Variants in MUC5B observed in about 807,000 individuals in gnomAD.
MUC5B encodes the protein mucin-5B.
Under a neutral mutation model 376.9 loss-of-function variants are expected in MUC5B, and 116 were observed. The ratio of observed to expected loss-of-function variants is 0.31; its 90% CI spans 0.26 to 0.36. The LOEUF (loss-of-function observed/expected upper bound fraction) is 0.36, where lower values mean the gene tolerates loss of function less well. Ranked by LOEUF, MUC5B falls within the 10% of genes least tolerant of loss-of-function variation. The pLI is 1.00. For synonymous variants in MUC5B, 3,517 were observed against 3,390.9 expected, an observed-to-expected ratio of 1.04 and a Z score of -1.29; for missense variants, 7,165 against 7,769.9, an observed-to-expected ratio of 0.92 and a Z score of 2.93.
At position 1,247,470 on chromosome 11, in the gene MUC5B, G is replaced by A. The variant is rs377002979; in HGVS notation, c.10590G>A (p.Pro3530=). 5.2e-4 allele frequency: 839 copies of A among 1,607,298 alleles called. 10 individuals are homozygous for A. The African/African-American group carries it at 7.6e-3, about 15-fold the overall frequency. ...ESPPSPGTTT[P]GHTRGTSRTT... Reference sequence around the variant, plus strand: ...CCCCTTCTCCAGGGACGACCACCCCGGGCCACACCAGGGGCACCTCCAGGA... The same window carrying A: ...CCCCTTCTCCAGGGACGACCACCCCAGGCCACACCAGGGGCACCTCCAGGA... The change falls in exon 31 of 49, where the codon CCG becomes CCA. Residue 3530 remains proline (P), a synonymous_variant. Coordinates refer to ENST00000529681, the MANE Select transcript of MUC5B (RefSeq NM_002458.3).
Position 1,250,590 on chromosome 11 carries a change from C to G in MUC5B, c.13710C>G (p.Thr4570=). 6.2e-7 allele frequency: 1 copy of G among 1,613,708 alleles called. No homozygotes were observed. The highest frequency in any genetic ancestry group is 2.2e-5 in the East Asian group (1 of 44,852). ...CCACAGTGCTTACCGCCACGGCCAC[C>G]ACAACCGGGGCCACCGGCTCTGTGG... ...HTSTVLTATA[T]TTGATGSVAT... Residue 4570 remains threonine (T), a synonymous_variant, in exon 31 of 49, where the codon ACC becomes ACG. Transcript: ENST00000529681.
Position 1,248,750 on chromosome 11 carries a change from C to G in MUC5B, c.11870C>G (p.Thr3957Ser). ...ACCACGGCCACTACGATCACGGCCA[C>G]CGGCTCCACCACCAACCCCTCCTCA... ...LITTATTITA[T>S]GSTTNPSSTP... The change falls in exon 31 of 49, where the codon ACC becomes AGC. Residue 3957 changes from threonine (T) to serine (S), a missense_variant. Thr to Ser is a moderately conservative substitution (Grantham distance 58). Around this residue, in one of 31 missense-constraint regions of MUC5B, gnomAD observed 242 missense variants for 199.0 expected, o/e 1.22. Coordinates refer to ENST00000529681, the MANE Select transcript of MUC5B (RefSeq NM_002458.3). The G allele has an allele frequency of 6.4e-7, 1 of 1,554,404 alleles. No individual in the cohort carries two copies. Among genetic ancestry groups the G allele is most frequent in the Non-Finnish European group, 8.7e-7 (1 of 1,148,608 alleles).
chr11:1,246,298 A>G lies in MUC5B; in HGVS notation c.9418A>G (p.Thr3140Ala). 6.2e-7 allele frequency: 1 copy of G among 1,600,894 alleles called. No homozygotes were observed. The highest frequency in any genetic ancestry group is 8.5e-7 in the Non-Finnish European group (1 of 1,171,698). ...GTTWILTELT[T>A]AATTTAATGP... ...GACCTGGATCCTCACAGAGCTGACCACAGCAGCCACTACAACTGCAGCCAC... is the reference window on the plus strand; with the variant it reads ...GACCTGGATCCTCACAGAGCTGACCGCAGCAGCCACTACAACTGCAGCCAC... Residue 3140 changes from threonine (T) to alanine (A), a missense_variant, in exon 31 of 49, where the codon ACA becomes GCA. Physicochemically the swap from Thr to Ala is moderately conservative, Grantham distance 58. Transcript: ENST00000529681.
chr11:1,245,303 C>A lies in MUC5B; in HGVS notation c.8423C>A (p.Ala2808Asp). 6.3e-7 allele frequency: 1 copy of A among 1,597,820 alleles called. No individual in the cohort carries two copies. ...GGTACCACCCAGCACTCGACTCCAG[C>A]CCTGTCCAGCCCTCACCCTAGCAGC... ...TTGTTQHSTP[A>D]LSSPHPSSRT... Residue 2808 changes from alanine to aspartate, a missense_variant, in exon 31 of 49, where the codon GCC (alanine) becomes GAC (aspartate). By Grantham distance (126) the Ala-to-Asp change is moderately radical. Coordinates refer to ENST00000529681, the MANE Select transcript of MUC5B (RefSeq NM_002458.3).
intron 46 of MUC5B, 85 bp from the exon 47 acceptor site, chr11:1,260,266 G>T (rs976573301): frequency 6.8e-7 from 1 of 1,461,352 alleles, no homozygotes; most frequent in African/African-American, 1.4e-5. Flanking sequence ...CCATGCCCCT[G>T]CCCGGGTGGG....
At chr11:1,238,814 C>T (rs1041555308) in intron 25 of MUC5B, 57 bp from the exon 26 acceptor site, 33 of 1,523,814 alleles carry the variant, frequency 2.2e-5, no homozygotes, top group Admixed American at 2.0e-4. Context: ...GGGCCAGCCA[C>T]CCCCTGGCCG....
chr11:1,234,296 C>T lies in MUC5B; in HGVS notation c.2469C>T (p.Asp823=), dbSNP rs765962346. 6.4e-5 allele frequency: 84 copies of T among 1,314,728 alleles called. No individual in the cohort carries two copies. The highest frequency in any genetic ancestry group is 7.7e-5 in the Non-Finnish European group (74 of 956,332). 81.4% of individuals were successfully genotyped at this position (1,314,728 alleles called of 1,614,324 possible). Residue 823 remains aspartate, a synonymous_variant, in exon 20 of 49, where the codon GAC becomes GAT. Coordinates refer to ENST00000529681, the MANE Select transcript of MUC5B (RefSeq NM_002458.3). This position sits in a 1 kb window ranked among gnomAD's most constrained non-coding sequence, Gnocchi z 6.3. ...GCCTCCGGAGCTGCCACACGCTGGA[C>T]GTGGGCTGTGTGAGTTCCATGCTTC... ...AECLRSCHTL[D]VGCFSTHCVS...
At chr11:1,259,901 C>T (rs1862952609) in intron 45 of MUC5B, 59 bp downstream of exon 45, 3 of 1,612,122 alleles carry the variant, frequency 1.9e-6, no homozygotes, top group Non-Finnish European at 2.5e-6. Context: ...CCCTCACCCC[C>T]AATGGGGCTC....
In MUC5B at chr11:1,258,094, C is replaced by G. The variant is rs758596325; in HGVS notation, c.16451-5C>G. ...GCCCAGACAGTGGCCTCCATCCTCC[C>G]GCAGTGTGCAACACAACCACCTGCC... On this transcript the variant is annotated splice_polypyrimidine_tract_variant and splice_region_variant and intron_variant, in intron 41 of 48. Transcript: ENST00000529681. This position sits in a 1 kb window ranked among gnomAD's most constrained non-coding sequence, Gnocchi z 5.5. The G allele has an allele frequency of 7.0e-6, 11 of 1,574,138 alleles. No individual in the cohort carries two copies. The highest frequency in any genetic ancestry group is 2.3e-4 in the Middle Eastern group (1 of 4,430).
Position 1,243,170 on chromosome 11 carries a change from G to A in MUC5B, c.6290G>A (p.Gly2097Glu). 1.2e-6 allele frequency: 2 copies of A among 1,606,430 alleles called. No individual in the cohort carries two copies. The highest frequency in any genetic ancestry group is 1.7e-6 in the Non-Finnish European group (2 of 1,176,982). ...ACGGTGACCCCCTCCTCCATCCCGGGGACCACCCACACCGCCACAGTGCTG... is the reference window on the plus strand; with the variant it reads ...ACGGTGACCCCCTCCTCCATCCCGGAGACCACCCACACCGCCACAGTGCTG... ...GSTVTPSSIP[G>E]TTHTATVLTT... Residue 2097 changes from glycine to glutamate, a missense_variant, in exon 31 of 49, where the codon GGG (glycine) becomes GAG (glutamate). Gly to Glu is a moderately conservative substitution (Grantham distance 98, BLOSUM62 -2). Coordinates refer to ENST00000529681, the MANE Select transcript of MUC5B (RefSeq NM_002458.3).
rs574125112 is a variant in MUC5B at position 1,240,361 on chromosome 11, C to T, written c.3956C>T (p.Pro1319Leu). ...TTCACCTTCACCACCGCCTGGGTCC[C>T]CCACTCCACGACAAGTAAGCCCTGC... is the stretch of plus-strand genomic sequence containing the variant. ...TPFTFTTAWVPHSTTSPALPV... is the reference protein window; with the variant it reads ...TPFTFTTAWVLHSTTSPALPV... Residue 1319 changes from proline to leucine, a missense_variant, in exon 30 of 49, where the codon CCC (proline) becomes CTC (leucine). Around this residue, in one of 31 missense-constraint regions of MUC5B, gnomAD observed 517 missense variants for 545.3 expected, o/e 0.95. Transcript: ENST00000529681. The T allele has an allele frequency of 1.2e-5, 20 of 1,600,652 alleles. No individual in the cohort carries two copies. In the African/African-American group the frequency reaches 1.7e-4, roughly 14 times the overall value.
In MUC5B at chr11:1,247,928, C is replaced by A. The variant is rs763148762; in HGVS notation, c.11048C>A (p.Pro3683His). ...CCGGCCACCAGCTCTACGGCCACGCCCTCCTCAACTCCGGGGACGACCTGG... is the reference window on the plus strand; with the variant it reads ...CCGGCCACCAGCTCTACGGCCACGCACTCCTCAACTCCGGGGACGACCTGG... ...STPATSSTATPSSTPGTTWIL... is the reference protein window; with the variant it reads ...STPATSSTATHSSTPGTTWIL... Residue 3683 changes from proline (P) to histidine (H), a missense_variant, in exon 31 of 49, where the codon CCC becomes CAC. Around this residue, in one of 31 missense-constraint regions of MUC5B, gnomAD observed 90 missense variants for 71.1 expected, o/e 1.27. Transcript: ENST00000529681. 7.4e-6 allele frequency: 12 copies of A among 1,611,376 alleles called. 1 individual carries two copies. The highest frequency in any genetic ancestry group is 9.3e-6 in the Non-Finnish European group (11 of 1,178,390).
intron 18 of MUC5B, 42 bp from the exon 19 acceptor site, chr11:1,233,751 G>A: frequency 6.4e-7 from 1 of 1,568,002 alleles, no homozygotes; most frequent in Non-Finnish European, 8.7e-7. Flanking sequence ...GGTCTGCGGG[G>A]TGAGGGCCGC....
Position 1,232,274 on chromosome 11 carries a change from G to A in MUC5B, c.1843+114G>A. On this transcript the variant is annotated intron_variant, in intron 15 of 48. Coordinates refer to ENST00000529681, the MANE Select transcript of MUC5B (RefSeq NM_002458.3). ...GGGATTGGGGACCCCATGGAGGCAG[G>A]TGGGAGGCATCAGGAGGAGGTGCTT... The A allele has an allele frequency of 5.0e-6, 7 of 1,388,144 alleles. 1 individual carries two copies. Among genetic ancestry groups the A allele is most frequent in the Non-Finnish European group, 6.8e-6 (7 of 1,026,456 alleles). 86.0% of individuals were successfully genotyped at this position (1,388,144 alleles called of 1,614,324 possible). A position where few individuals can be genotyped will look rare whatever the true frequency, so the allele number is the denominator to read the frequency against.
chr11:1,236,789 C>A, intron 24 of MUC5B, 136 bp from the exon 25 acceptor site: 1 of 1,204,630 alleles, frequency 8.3e-7, no homozygotes, highest in Non-Finnish European at 1.1e-6. Context: ...TACAAGTTCA[C>A]CAGGCACTGC....
chr11:1,226,913 CCA>C, intron 4 of MUC5B, 37 bp downstream of exon 4: 3 of 1,596,754 alleles, frequency 1.9e-6, no homozygotes, highest in East Asian at 4.5e-5. Flanking sequence ...GAGGGCCGGG[CCA>C]CACAGTGTGA....
In MUC5B at chr11:1,261,792, C is replaced by A; in HGVS notation, c.*184C>A. ...CCAGAAGGGTGAGGGGCCAGCAGGA[C>A]CCCTTTCGGGAGGGCGCCACTCAGG... On this transcript the variant is annotated 3_prime_UTR_variant, in exon 49 of 49. Coordinates refer to ENST00000529681, the MANE Select transcript of MUC5B (RefSeq NM_002458.3). The A allele has an allele frequency of 1.4e-6, 1 of 720,198 alleles. No individual in the cohort carries two copies. The highest frequency in any genetic ancestry group is 2.5e-6 in the Non-Finnish European group (1 of 403,048). The allele number at this position is 720,198 out of a possible 1,614,324, so 44.6% of individuals were successfully genotyped here. A position where few individuals can be genotyped will look rare whatever the true frequency, so the allele number is the denominator to read the frequency against.
Position 1,240,968 on chromosome 11 carries a change from A to C in MUC5B, c.4088A>C (p.Asn1363Thr). Residue 1363 changes from asparagine (N) to threonine (T), a missense_variant, in exon 31 of 49, where the codon AAC (asparagine) becomes ACC (threonine). By Grantham distance (65) the Asn-to-Thr change is moderately conservative (BLOSUM62 0). This residue lies in a region of MUC5B where 517 missense variants were observed against 545.3 expected (regional missense o/e 0.95). Coordinates refer to ENST00000529681, the MANE Select transcript of MUC5B (RefSeq NM_002458.3). ...LGGGDFETFENLRQRGYQVCP... is the reference protein window; with the variant it reads ...LGGGDFETFETLRQRGYQVCP... The stretch of plus-strand genomic sequence containing the variant: ...GGCGGAGACTTTGAGACGTTTGAAA[A>C]CCTGAGGCAGAGAGGGTACCAGGTA... 1 of 1,613,390 alleles carries C rather than the reference A, an allele frequency of 6.2e-7. No homozygotes were observed. The highest frequency in any genetic ancestry group is 1.1e-5 in the South Asian group (1 of 91,082).
rs2133856807 is a variant in MUC5B at position 1,260,693 on chromosome 11, C to T, written c.17034C>T (p.Ile5678=). ...WHQGCETEVN[I]TFCEGSCPGA... is the part of the protein sequence containing the mutation. ...AGGGCTGCGAGACCGAGGTCAACAT[C>T]ACCTTCTGCGAGGGCTCCTGCCCCG... Residue 5678 remains isoleucine, a synonymous_variant, in exon 48 of 49, where the codon ATC becomes ATT. Coordinates refer to ENST00000529681, the MANE Select transcript of MUC5B (RefSeq NM_002458.3). 6.2e-7 allele frequency: 1 copy of T among 1,612,368 alleles called. No individual in the cohort carries two copies. Among genetic ancestry groups the T allele is most frequent in the Non-Finnish European group, 8.5e-7 (1 of 1,179,684 alleles).
Sources: allele counts gnomAD v4.1 joint callset, GRCh38; gene constraint gnomAD v4.1.1; regional missense constraint gnomAD v4.1.1; non-coding constraint Gnocchi (gnomAD v3.1); transcripts MANE v1.5; gene names NCBI Gene and HGNC (gene_info 2026-07-23, HGNC 2026-07-21).